Variants in CNBD1 observed in about 807,000 individuals in gnomAD.
CNBD1 encodes the protein cyclic nucleotide binding domain containing 1, also known as cyclic nucleotide-binding domain-containing protein 1.
A neutral mutation model predicts 54.4 loss-of-function variants in CNBD1; 71 were observed. The ratio of observed to expected loss-of-function variants is 1.30; its 90% CI spans 1.08 to 1.59. The LOEUF (loss-of-function observed/expected upper bound fraction) is 1.59, where lower values mean the gene tolerates loss of function less well. Ranked by LOEUF, CNBD1 falls within the 40% of genes most tolerant of loss-of-function variation. The pLI, the probability that CNBD1 is intolerant of heterozygous loss-of-function variation, is 0.00. For missense variants in CNBD1, 659 were observed against 518.0 expected, an observed-to-expected ratio of 1.27 and a Z score of -2.64; for synonymous variants, 182 against 170.7, an observed-to-expected ratio of 1.07 and a Z score of -0.51.
At chr8:87,169,776 T>C (rs1438404580) in intron 4 of CNBD1, among the ~76,000 whole-genome samples, 2 of 152,148 alleles carry the variant, frequency 1.3e-5, no homozygotes, top group Non-Finnish European at 2.9e-5. Flanking sequence ...TGTTTGATTT[T>C]ATGCCAGTAC....
chr8:87,308,374 C>T (rs1809199406), intron 8 of CNBD1, among the ~76,000 whole-genome samples: 1 of 152,078 alleles, frequency 6.6e-6, no homozygotes, highest in Admixed American at 6.6e-5. Context: ...TTAAAATATT[C>T]CTGCAGCTCT....
rs563780018 is a variant in CNBD1, at chr8:87,315,413, G to A, written c.1042+28742G>A. Reference sequence around the variant, plus strand: ...TTTTTTTTTGGCTCATGGTTCTGCAGGCCATACAAGAAGCATGGTGCAGGC... The same window carrying A: ...TTTTTTTTTGGCTCATGGTTCTGCAAGCCATACAAGAAGCATGGTGCAGGC... On this transcript the variant is annotated intron_variant, in intron 8 of 10. Coordinates refer to ENST00000518476, the MANE Select transcript of CNBD1 (RefSeq NM_173538.3). 1.2e-3 allele frequency among the ~76,000 whole-genome samples: 178 copies of A among 151,832 alleles called. 1 individual carries two copies. The highest frequency in any genetic ancestry group is 2.3e-3 in the Non-Finnish European group (155 of 67,904).
At chr8:87,106,445 A>G (rs931812516) in intron 4 of CNBD1, among the ~76,000 whole-genome samples, 3 of 152,188 alleles carry the variant, frequency 2.0e-5, no homozygotes, top group Non-Finnish European at 4.4e-5. Flanking sequence ...TCCTGACTTC[A>G]AGTGATCCAC....
intron 2 of CNBD1, among the ~76,000 whole-genome samples, chr8:87,405,463 G>T (rs72668649): frequency 0.026 from 4,001 of 152,070 alleles, 74 homozygotes; most frequent in Non-Finnish European, 0.041. Flanking sequence ...ATTATGTAAT[G>T]CAAGCATATC....
intron 2 of CNBD1, among the ~76,000 whole-genome samples, chr8:87,399,325 G>T (rs1017638557): frequency 2.6e-5 from 4 of 151,976 alleles, no homozygotes; most frequent in Admixed American, 2.6e-4. Flanking sequence ...CTGTGCATGT[G>T]CACAATAGGA....
intron 8 of CNBD1, among the ~76,000 whole-genome samples, chr8:87,302,143 C>CCT: frequency 1.3e-5 from 2 of 152,148 alleles, no homozygotes; most frequent in African/African-American, 4.8e-5. Flanking sequence ...TTTTATGAGG[C>CCT]AAGCATCATC....
intron 4 of CNBD1, among the ~76,000 whole-genome samples, chr8:87,131,373 G>A (rs1414299757): frequency 6.6e-6 from 1 of 151,810 alleles, no homozygotes; most frequent in African/African-American, 2.4e-5. Flanking sequence ...TTGCTCCAAG[G>A]CATAAAATAC....
intron 4 of CNBD1, among the ~76,000 whole-genome samples, chr8:87,022,714 G>T (rs1809515603): frequency 6.6e-6 from 1 of 152,120 alleles, no homozygotes; most frequent in Non-Finnish European, 1.5e-5. Context: ...AATCATCTTT[G>T]TTAGAATTCT....
chr8:86,911,614 G>C (rs1243774665), intron 3 of CNBD1, among the ~76,000 whole-genome samples: 1 of 152,000 alleles, frequency 6.6e-6, no homozygotes, highest in Non-Finnish European at 1.5e-5. Context: ...TTCTCTACTA[G>C]CTATTTTGAA....
At chr8:87,315,510 C>T (rs2130894369) in intron 8 of CNBD1, among the ~76,000 whole-genome samples, 1 of 151,962 alleles carries the variant, frequency 6.6e-6, no homozygotes, top group South Asian at 2.1e-4. Flanking sequence ...AACCAGAGAT[C>T]ACATGGTGAG....
At chr8:87,229,893 C>T (rs1457008479) in intron 5 of CNBD1, among the ~76,000 whole-genome samples, 1 of 152,178 alleles carries the variant, frequency 6.6e-6, no homozygotes, top group Non-Finnish European at 1.5e-5. Flanking sequence ...TTTCTGAACT[C>T]TCTTACAAAT....
At chr8:87,298,226 A>T (rs77081941) in intron 8 of CNBD1, among the ~76,000 whole-genome samples, 4,039 of 152,050 alleles carry the variant, frequency 0.027, 187 homozygotes, top group African/African-American at 0.092. Flanking sequence ...TTGCAAATAG[A>T]CTATGCATGT....
intron 6 of CNBD1, among the ~76,000 whole-genome samples, chr8:87,244,179 G>T (rs541028321): frequency 1.5e-4 from 23 of 152,230 alleles, no homozygotes; most frequent in African/African-American, 5.3e-4. Context: ...ATCCAGAAAG[G>T]CGGGGACAAC....
chr8:86,935,472 T>C (rs1809531677), intron 3 of CNBD1, among the ~76,000 whole-genome samples: 1 of 152,228 alleles, frequency 6.6e-6, no homozygotes, highest in African/African-American at 2.4e-5. Flanking sequence ...CTTGTGTCAG[T>C]TTGGTAATTT....
chr8:86,943,323 G>A (rs1168753218), intron 4 of CNBD1, among the ~76,000 whole-genome samples: 4 of 141,834 alleles, frequency 2.8e-5, no homozygotes, highest in African/African-American at 1.1e-4. Flanking sequence ...GCCGAGATTG[G>A]GCCACTGCAC....
intron 4 of CNBD1, among the ~76,000 whole-genome samples, chr8:87,090,577 A>G (rs1309635254): frequency 6.6e-6 from 1 of 152,152 alleles, no homozygotes; most frequent in Non-Finnish European, 1.5e-5. Context: ...TTAGTAGAAG[A>G]CTTGGTTTTT....
At chr8:87,198,858 G>A (rs1378740241) in intron 4 of CNBD1, among the ~76,000 whole-genome samples, 5 of 152,152 alleles carry the variant, frequency 3.3e-5, no homozygotes, top group Admixed American at 2.6e-4. Context: ...TAAAGAAAAG[G>A]GGTTTAATTG....
intron 4 of CNBD1, among the ~76,000 whole-genome samples, chr8:87,138,478 A>G (rs1812304964): frequency 6.6e-6 from 1 of 152,194 alleles, no homozygotes; most frequent in South Asian, 2.1e-4. Context: ...GTTTGCAAGC[A>G]TCACTTCTTA....
chr8:87,228,584 G>C (rs958991522), intron 5 of CNBD1, among the ~76,000 whole-genome samples: 1 of 150,878 alleles, frequency 6.6e-6, no homozygotes, highest in Non-Finnish European at 1.5e-5. Flanking sequence ...CACTTGAGGA[G>C]GCAGTCCGCC....
Sources: gnomAD v4.1 joint callset for allele counts (sites outside exome capture counted in the v4.1 genomes callset) on GRCh38, gnomAD v4.1.1 for gene constraint, MANE v1.5 for transcripts, NCBI Gene and HGNC (gene_info 2026-07-23, HGNC 2026-07-21) for gene names.